Variants in ETS1 observed in about 807,000 individuals in gnomAD.
The protein encoded by ETS1 is ETS proto-oncogene 1, transcription factor.
A neutral mutation model predicts 58.6 loss-of-function variants in ETS1; 15 were observed. That is an observed-to-expected ratio of 0.26 (90% confidence interval 0.17 to 0.39). ETS1 has a LOEUF of 0.39. Ranked by LOEUF, ETS1 falls within the 10% of genes least tolerant of loss-of-function variation. The pLI is 1.00. For missense variants in ETS1, 417 were observed against 610.5 expected (o/e 0.68, Z 3.34); for synonymous variants, 214 against 218.2 (o/e 0.98, Z 0.17).
chr11:128,546,691 A>G (rs1378327636), intron 3 of ETS1, among the ~76,000 whole-genome samples: 1 of 152,194 alleles, frequency 6.6e-6, no homozygotes, highest in African/African-American at 2.4e-5. Flanking sequence ...GGTTGAATCC[A>G]TGAATGCAGA....
chr11:128,485,256 G>A (rs10893878), intron 6 of ETS1, among the ~76,000 whole-genome samples, 185 bp from the exon 7 acceptor site: 53,184 of 152,032 alleles, frequency 0.35, 9,755 homozygotes, highest in Middle Eastern at 0.56. Flanking sequence ...CCTTGACAAG[G>A]TAATTGATTT....
At chr11:128,542,402 T>C (rs79805393) in intron 3 of ETS1, among the ~76,000 whole-genome samples, 34,128 of 151,950 alleles carry the variant, frequency 0.22, 4,392 homozygotes, top group East Asian at 0.57. Flanking sequence ...AGAGAGACTT[T>C]AGAAGATTAT....
chr11:128,539,645 A>G (rs1227977018), intron 3 of ETS1, among the ~76,000 whole-genome samples: 1 of 152,234 alleles, frequency 6.6e-6, no homozygotes, highest in African/African-American at 2.4e-5. Flanking sequence ...TGGAGAAATG[A>G]AAACATATTC....
At chr11:128,515,274 G>A (rs10790962) in intron 3 of ETS1, among the ~76,000 whole-genome samples, 79,218 of 143,846 alleles carry the variant, frequency 0.55, 21,210 homozygotes, top group East Asian at 0.8. Flanking sequence ...ACACACACAC[G>A]CGCGCGTGCA....
At chr11:128,537,336 T>C (rs1044504154) in intron 3 of ETS1, among the ~76,000 whole-genome samples, 1 of 152,146 alleles carries the variant, frequency 6.6e-6, no homozygotes, top group Non-Finnish European at 1.5e-5. Context: ...AGGGAAAGCA[T>C]GGCATGGTGA....
chr11:128,501,595 G>A (rs1472667659), intron 3 of ETS1, among the ~76,000 whole-genome samples: 3 of 152,172 alleles, frequency 2.0e-5, no homozygotes, highest in African/African-American at 7.2e-5. Flanking sequence ...TGCTTTCTGT[G>A]TCTTTCTCTA....
Position 128,463,490 on chromosome 11 carries a change from C to A in ETS1, c.1242+19G>T. On this transcript the variant is annotated intron_variant, in intron 9 of 9. Transcript: ENST00000392668. This position sits in a 1 kb window ranked among gnomAD's most constrained non-coding sequence, Gnocchi z 4.1. The stretch of plus-strand genomic sequence containing the variant: ...TCATCCTTCCTCAACACAGTACTCG[C>A]AAGCCCCTCCTTCCTTACCTCATCT... The A allele has an allele frequency of 7.3e-7, 1 of 1,364,484 alleles. No homozygotes were observed. 84.5% of individuals were successfully genotyped at this position (1,364,484 alleles called of 1,614,324 possible).
intron 3 of ETS1, among the ~76,000 whole-genome samples, chr11:128,504,359 T>C (rs1429097091): frequency 1.3e-5 from 2 of 152,308 alleles, no homozygotes; most frequent in Non-Finnish European, 2.9e-5. Context: ...TCACTATAGC[T>C]ATAGGATGCA....
chr11:128,540,320 C>CAAAAA (rs112191021), intron 3 of ETS1, among the ~76,000 whole-genome samples: 1 of 83,918 alleles, frequency 1.2e-5, no homozygotes, highest in Non-Finnish European at 2.3e-5. Flanking sequence ...AATTCCATCT[C>CAAAAA]AAAAAAAAAA....
intron 8 of ETS1, among the ~76,000 whole-genome samples, chr11:128,466,266 C>G (rs893927187): frequency 2.0e-5 from 3 of 152,194 alleles, no homozygotes; most frequent in African/African-American, 7.2e-5. Flanking sequence ...ACCTCTCTCC[C>G]ACTATCTGAA....
chr11:128,494,997 G>C (rs765323613), intron 3 of ETS1, among the ~76,000 whole-genome samples: 2 of 152,166 alleles, frequency 1.3e-5, no homozygotes, highest in Admixed American at 6.5e-5. Context: ...GAAATACTAA[G>C]AGTGAGTAAT....
At position 128,585,076 on chromosome 11, in the gene ETS1, GA is replaced by G. The variant is rs1432347329; in HGVS notation, c.-15+2411del. Reference sequence around the variant, plus strand: ...AGAAAGAAAGAAAGAAAGAAAGAAAGAGAAAGAAAGAAAGGAAAGAAAGAAA... The same window carrying G: ...AGAAAGAAAGAAAGAAAGAAAGAAAGGAAAGAAAGAAAGGAAAGAAAGAAA... On this transcript the variant is annotated intron_variant, in intron 1 of 9. Transcript: ENST00000392668. Among the ~76,000 whole-genome samples, 32 of 5,908 alleles carry G rather than the reference GA, an allele frequency of 5.4e-3. 5 individuals carry two copies. Among genetic ancestry groups the G allele is most frequent in the South Asian group, 0.012 (4 of 346 alleles). 3.9% of individuals were successfully genotyped at this position (5,908 alleles called of 152,430 possible). A position where few individuals can be genotyped will look rare whatever the true frequency, so the allele number is the denominator to read the frequency against.
intron 8 of ETS1, among the ~76,000 whole-genome samples, chr11:128,469,070 A>G (rs1456588071): frequency 2.0e-5 from 3 of 152,224 alleles, no homozygotes; most frequent in Admixed American, 2.0e-4. Context: ...TCTATTAAAC[A>G]ATATTTGGGG....
chr11:128,566,782 CAAAAA>C (rs1160160715), intron 2 of ETS1, among the ~76,000 whole-genome samples: 1 of 102,804 alleles, frequency 9.7e-6, no homozygotes. Context: ...GACACCGTCT[CAAAAA>C]AAAAAAAAAA....
At chr11:128,527,596 G>A (rs1188757324) in intron 3 of ETS1, among the ~76,000 whole-genome samples, 1 of 152,216 alleles carries the variant, frequency 6.6e-6, no homozygotes, top group Non-Finnish European at 1.5e-5. Flanking sequence ...TCCTGAATTG[G>A]ACTCTTGAGG....
intron 1 of ETS1, among the ~76,000 whole-genome samples, chr11:128,580,422 G>A (rs1416244384): frequency 6.6e-6 from 1 of 152,070 alleles, no homozygotes; most frequent in Non-Finnish European, 1.5e-5. Flanking sequence ...TGTAACAAAA[G>A]CTCCCAAATC....
chr11:128,516,267 A>T (rs1298971103), intron 3 of ETS1, among the ~76,000 whole-genome samples: 1 of 152,230 alleles, frequency 6.6e-6, no homozygotes, highest in African/African-American at 2.4e-5. Flanking sequence ...AGCTAGAGAC[A>T]CATGACAAGT....
Position 128,502,781 on chromosome 11 carries a change from G to A in ETS1, c.215-12205C>T, listed in dbSNP as rs139858442. 2.8e-4 allele frequency among the ~76,000 whole-genome samples: 42 copies of A among 152,326 alleles called. No homozygotes were observed. In the East Asian group the frequency reaches 6.7e-3, roughly 24 times the overall value. Reference sequence around the variant, plus strand: ...ACAGCCTTACTAAAAAGAGCCACCAGTAGATTAGCCTGTGACAGACACCAA... The same window carrying A: ...ACAGCCTTACTAAAAAGAGCCACCAATAGATTAGCCTGTGACAGACACCAA... On this transcript the variant is annotated intron_variant, in intron 3 of 9. Transcript: ENST00000392668.
At chr11:128,474,450 A>T (rs781592768) in intron 8 of ETS1, among the ~76,000 whole-genome samples, 1 of 152,230 alleles carries the variant, frequency 6.6e-6, no homozygotes, top group Admixed American at 6.5e-5. Flanking sequence ...TTCTACTGGT[A>T]GCAGATGATT....
Sources: allele counts gnomAD v4.1 joint callset (sites outside exome capture counted in the v4.1 genomes callset), GRCh38; gene constraint gnomAD v4.1.1; non-coding constraint Gnocchi (gnomAD v3.1); transcripts MANE v1.5; gene names NCBI Gene and HGNC (gene_info 2026-07-23, HGNC 2026-07-21).